SH2D4A: variants seen among roughly 807,000 people sequenced by gnomAD.
SH2D4A encodes the protein SH2 domain-containing protein 4A.
Under a neutral mutation model 64.7 loss-of-function variants are expected in SH2D4A, and 70 were observed. The observed-to-expected ratio is 1.08, with a 90% CI of 0.89 to 1.32. SH2D4A has a LOEUF of 1.32. Among genes scored for constraint, SH2D4A ranks in the 40% most tolerant of loss-of-function variants. SH2D4A has a pLI of 0.00. For missense variants in SH2D4A, 706 were observed against 540.1 expected, an observed-to-expected ratio of 1.31 and a Z score of -3.04; for synonymous variants, 268 against 200.7, an observed-to-expected ratio of 1.34 and a Z score of -2.83.
intron 8 of SH2D4A, among the ~76,000 whole-genome samples, chr8:19,377,756 C>A (rs73601151): frequency 0.015 from 2,267 of 152,222 alleles, 54 homozygotes; most frequent in African/African-American, 0.051. Context: ...TTTGCTCTTA[C>A]AGAAGATGAT....
rs575667773 is a variant in SH2D4A at position 19,392,240 on chromosome 8, AT to A, written c.1049-1076del. The stretch of plus-strand genomic sequence containing the variant: ...TATATAAAGACACACATATAGTTTT[AT>A]TCCTTTAAATGCCAGTGTAGTGTCA... On this transcript the variant is annotated intron_variant, in intron 8 of 9. Coordinates refer to ENST00000265807, the MANE Select transcript of SH2D4A (RefSeq NM_022071.4). Among the ~76,000 whole-genome samples the A allele has an allele frequency of 1.9e-4, 29 of 152,324 alleles. No individual in the cohort carries two copies. The South Asian group carries it at 5.6e-3, about 29-fold the overall frequency.
At chr8:19,371,804 TA>T (rs1197530904) in intron 7 of SH2D4A, among the ~76,000 whole-genome samples, 2 of 152,200 alleles carry the variant, frequency 1.3e-5, no homozygotes, top group East Asian at 3.8e-4. Context: ...TCTGGCTCAC[TA>T]ATAAGTGTAC....
intron 8 of SH2D4A, among the ~76,000 whole-genome samples, chr8:19,380,346 CTTT>C (rs1349046748): frequency 6.6e-6 from 1 of 152,040 alleles, no homozygotes; most frequent in African/African-American, 2.4e-5. Context: ...TTGAGAGTGT[CTTT>C]TGATGTATAA....
At chr8:19,315,506 A>C (rs1357283027) in intron 1 of SH2D4A, among the ~76,000 whole-genome samples, 4 of 152,236 alleles carry the variant, frequency 2.6e-5, no homozygotes, top group Non-Finnish European at 4.4e-5. Flanking sequence ...AGAGTTATTC[A>C]AAAGACAGTT....
intron 1 of SH2D4A, among the ~76,000 whole-genome samples, chr8:19,315,166 CCTT>C (rs2052065692): frequency 6.6e-6 from 1 of 152,032 alleles, no homozygotes; most frequent in African/African-American, 2.4e-5. Context: ...GACAGGGTCT[CCTT>C]CTGTCACCCA....
At chr8:19,376,707 T>G (rs2053202010) in intron 8 of SH2D4A, among the ~76,000 whole-genome samples, 1 of 152,126 alleles carries the variant, frequency 6.6e-6, no homozygotes, top group South Asian at 2.1e-4. Flanking sequence ...ACCAAATATC[T>G]GGGACCATGG....
intron 8 of SH2D4A, among the ~76,000 whole-genome samples, chr8:19,390,941 C>G (rs1213867778): frequency 6.6e-6 from 1 of 152,192 alleles, no homozygotes; most frequent in African/African-American, 2.4e-5. Context: ...CCAGATTCAT[C>G]TGGATAATTT....
chr8:19,349,070 C>A (rs1368411855), intron 4 of SH2D4A, among the ~76,000 whole-genome samples: 1 of 152,116 alleles, frequency 6.6e-6, no homozygotes, highest in Non-Finnish European at 1.5e-5. Flanking sequence ...TAATCCTATT[C>A]CAAGCTAGGA....
At chr8:19,318,780 C>T (rs192514489) in intron 1 of SH2D4A, among the ~76,000 whole-genome samples, 15 of 152,228 alleles carry the variant, frequency 9.9e-5, no homozygotes, top group Non-Finnish European at 1.6e-4. Flanking sequence ...GAGGAAAGTA[C>T]ATAATTTTGT....
chr8:19,394,088 T>C (rs2053545759), intron 9 of SH2D4A, among the ~76,000 whole-genome samples: 1 of 152,124 alleles, frequency 6.6e-6, no homozygotes, highest in Admixed American at 6.5e-5. Flanking sequence ...CATTAGATTT[T>C]CCTAAGGAGC....
chr8:19,313,984 G>T, intron 1 of SH2D4A, 161 bp downstream of exon 1: 1 of 1,253,742 alleles, frequency 8.0e-7, no homozygotes. Context: ...CGCGGCGCCC[G>T]GGGCGGGCTC....
chr8:19,315,665 G>GGGCTGTGTTAGA (rs1208338207), intron 1 of SH2D4A, among the ~76,000 whole-genome samples: 1 of 152,146 alleles, frequency 6.6e-6, no homozygotes, highest in African/African-American at 2.4e-5. Context: ...TTTAAGAAAG[G>GGGCTGTGTTAGA]GGCTGTGTTA....
At chr8:19,376,148 G>A (rs145916119) in intron 8 of SH2D4A, among the ~76,000 whole-genome samples, 2 of 152,266 alleles carry the variant, frequency 1.3e-5, no homozygotes, top group Admixed American at 6.5e-5. Flanking sequence ...TGACAAGGTA[G>A]GAGGGAAGGC....
At chr8:19,393,226 C>A in intron 8 of SH2D4A, 92 bp from the exon 9 acceptor site, 1 of 1,169,016 alleles carries the variant, frequency 8.6e-7, no homozygotes, top group Non-Finnish European at 1.3e-6. Context: ...ATTTAGGCGT[C>A]ATTGACTCTA....
chr8:19,367,123 A>G (rs909236737), intron 7 of SH2D4A, among the ~76,000 whole-genome samples: 3 of 151,872 alleles, frequency 2.0e-5, no homozygotes, highest in Admixed American at 6.6e-5. Flanking sequence ...TCTATTGTGT[A>G]TATACACCAC....
At chr8:19,349,352 T>G (rs1210646013) in intron 4 of SH2D4A, among the ~76,000 whole-genome samples, 2 of 152,180 alleles carry the variant, frequency 1.3e-5, no homozygotes, top group Middle Eastern at 3.2e-3. Flanking sequence ...CACCTTAAAA[T>G]TCACTTAAGC....
At chr8:19,393,680 C>A in intron 9 of SH2D4A, 139 bp downstream of exon 9, 1 of 765,474 alleles carries the variant, frequency 1.3e-6, no homozygotes, top group Non-Finnish European at 2.1e-6. Flanking sequence ...TTTGATAATT[C>A]TTCCTGATAA....
chr8:19,324,727 C>T (rs1218485349), intron 2 of SH2D4A, among the ~76,000 whole-genome samples: 1 of 152,114 alleles, frequency 6.6e-6, no homozygotes, highest in Non-Finnish European at 1.5e-5. Flanking sequence ...TGAGATGAGG[C>T]TGGGGGATCA....
At chr8:19,387,868 A>C (rs1171256606) in intron 8 of SH2D4A, among the ~76,000 whole-genome samples, 3 of 152,220 alleles carry the variant, frequency 2.0e-5, no homozygotes, top group African/African-American at 7.2e-5. Flanking sequence ...TGTGGCACAT[A>C]ATAAGCCCTA....
Sources: allele counts gnomAD v4.1 joint callset (sites outside exome capture counted in the v4.1 genomes callset), GRCh38; gene constraint gnomAD v4.1.1; transcripts MANE v1.5; gene names NCBI Gene and HGNC (gene_info 2026-07-23, HGNC 2026-07-21).